ZSCAN31: variants seen among roughly 807,000 people sequenced by gnomAD.
ZSCAN31 encodes the protein zinc finger and SCAN domain containing 31.
In ZSCAN31, 14 loss-of-function variants were observed where a neutral mutation model predicts 22.5. That is an observed-to-expected ratio of 0.62 (90% CI 0.41 to 0.97). ZSCAN31 has a LOEUF of 0.97. Ranked by LOEUF, ZSCAN31 falls within the 50% of genes least tolerant of loss-of-function variation. The pLI is 0.00. For missense variants in ZSCAN31, 424 were observed against 483.4 expected (o/e 0.88, Z 1.15); for synonymous variants, 168 against 169.8 (o/e 0.99, Z 0.08).
At chr6:28,346,371 C>G (rs1764643539) in intron 2 of ZSCAN31, among the ~76,000 whole-genome samples, 1 of 64,956 alleles carries the variant, frequency 1.5e-5, no homozygotes, top group Admixed American at 1.9e-4. Context: ...TTTTTTTAAA[C>G]TGAGTCTCAC....
chr6:28,353,755 G>C, intron 2 of ZSCAN31: 1 of 449,958 alleles, frequency 2.2e-6, no homozygotes, highest in South Asian at 1.6e-5. Flanking sequence ...GGAAGACTGT[G>C]GATAGAGAAA....
chr6:28,328,507 T>C (rs533997259), intron 2 of ZSCAN31, among the ~76,000 whole-genome samples: 2 of 152,374 alleles, frequency 1.3e-5, no homozygotes, highest in South Asian at 4.1e-4. Flanking sequence ...TCCGCCCAGC[T>C]AACTGGCAGT....
upstream of ZSCAN31, among the ~76,000 whole-genome samples, chr6:28,339,423 G>A (rs1051231721): frequency 6.6e-6 from 1 of 152,024 alleles, no homozygotes; most frequent in Non-Finnish European, 1.5e-5. Flanking sequence ...CGAGTATCTG[G>A]GATTACAGGC....
intron 2 of ZSCAN31, among the ~76,000 whole-genome samples, chr6:28,328,474 AAAG>A (rs1763482863): frequency 6.6e-6 from 1 of 152,334 alleles, no homozygotes; most frequent in East Asian, 1.9e-4. Context: ...TTTGCTTTTG[AAAG>A]AAGAGAAATA....
intron 2 of ZSCAN31, among the ~76,000 whole-genome samples, chr6:28,346,431 C>T (rs1561924363): frequency 6.9e-6 from 1 of 144,582 alleles, no homozygotes; most frequent in African/African-American, 2.6e-5. Context: ...GATCTCAGCT[C>T]ACTACAACCT....
intron 2 of ZSCAN31, among the ~76,000 whole-genome samples, chr6:28,348,197 A>C (rs147788664): frequency 0.013 from 1,988 of 152,202 alleles, 48 homozygotes; most frequent in African/African-American, 0.044. Flanking sequence ...AGTTTCTAGT[A>C]TCTTTTGATA....
chr6:28,330,388 T>TATA (rs1763648751), intron 1 of ZSCAN31, among the ~76,000 whole-genome samples: 1 of 152,242 alleles, frequency 6.6e-6, no homozygotes, highest in Admixed American at 6.5e-5. Context: ...GTTTTGTGGC[T>TATA]ATTTATTATA....
At chr6:28,332,480 C>T (rs1032612291) in intron 1 of ZSCAN31, 2 of 152,172 alleles carry the variant, frequency 1.3e-5, no homozygotes, top group African/African-American at 4.8e-5. Flanking sequence ...CCTGTGGCCT[C>T]TCTAAGTGTT....
At chr6:28,334,686 A>G (rs920533393) in intron 1 of ZSCAN31, among the ~76,000 whole-genome samples, 4 of 152,194 alleles carry the variant, frequency 2.6e-5, no homozygotes. Flanking sequence ...AAGGGAGGCA[A>G]AGAGTAAAAT....
At position 28,326,620 on chromosome 6, in the gene ZSCAN31, T is replaced by TC. The variant is rs1393817536; in HGVS notation, c.766dup (p.Glu256GlyfsTer13). On this transcript the variant is annotated frameshift_variant, in exon 4 of 4. Transcript: ENST00000344279. LOFTEE classifies it low-confidence loss of function (END_TRUNC). Reference sequence around the variant, plus strand: ...CTCCCCAGTGTGGATTCTCTGGTGCTCAATGAGTACTGAACTCTTAGTGAA... The same window carrying TC: ...CTCCCCAGTGTGGATTCTCTGGTGCTCCAATGAGTACTGAACTCTTAGTGAA... 1 of 1,614,204 alleles carries TC rather than the reference T, an allele frequency of 6.2e-7. No individual in the cohort carries two copies. The highest frequency in any genetic ancestry group is 1.1e-5 in the South Asian group (1 of 91,082).
chr6:28,352,886 G>T (rs1157134307), intron 2 of ZSCAN31, among the ~76,000 whole-genome samples: 1 of 151,984 alleles, frequency 6.6e-6, no homozygotes, highest in Non-Finnish European at 1.5e-5. Flanking sequence ...AGGAATAGAG[G>T]TTCAGGAAGA....
Position 28,325,982 on chromosome 6 carries a change from A to G in ZSCAN31, c.*184T>C. 1 of 611,154 alleles carries G rather than the reference A, an allele frequency of 1.6e-6. No homozygotes were observed. The highest frequency in any genetic ancestry group is 2.6e-5 in the Admixed American group (1 of 38,952). 37.9% of individuals were successfully genotyped at this position (611,154 alleles called of 1,614,324 possible). ...ACCTGGTTTGTAGACAAGTGGTTCA[A>G]TGCAATACAAAATAAATTTTATAAG... On this transcript the variant is annotated 3_prime_UTR_variant, in exon 4 of 4. Coordinates refer to ENST00000344279, the MANE Select transcript of ZSCAN31 (RefSeq NM_030899.5).
chr6:28,331,158 A>T lies in ZSCAN31; in HGVS notation c.-95-1380T>A, dbSNP rs755924816. 6.6e-6 allele frequency among the ~76,000 whole-genome samples: 1 copy of T among 152,188 alleles called. No homozygotes were observed. Among genetic ancestry groups the T allele is most frequent in the African/African-American group, 2.4e-5 (1 of 41,444 alleles). ...TGAGAGGCATCAAGGCTTTTATTTCATTGTTATGGTGTTAGATCTGTATTT... is the reference window on the plus strand; with the variant it reads ...TGAGAGGCATCAAGGCTTTTATTTCTTTGTTATGGTGTTAGATCTGTATTT... On this transcript the variant is annotated intron_variant, in intron 1 of 3. Coordinates refer to ENST00000344279, the MANE Select transcript of ZSCAN31 (RefSeq NM_030899.5). This position sits in a 1 kb window ranked among gnomAD's most constrained non-coding sequence, Gnocchi z 4.8.
intron 1 of ZSCAN31, among the ~76,000 whole-genome samples, chr6:28,332,582 T>G (rs1763840131): frequency 6.6e-6 from 1 of 152,234 alleles, no homozygotes; most frequent in African/African-American, 2.4e-5. Flanking sequence ...TAGCAATCAT[T>G]ACATAAATAT....
Position 28,326,492 on chromosome 6 carries a change from C to G in ZSCAN31, c.895G>C (p.Glu299Gln). ...HTGEKPYQCK[E>Q]CGKAFSASNG... is the part of the protein sequence containing the mutation. ...CTGGCACTGAAGGCTTTCCCACACT[C>G]CTTACATTGATAGGGTTTCTCTCCA... The change falls in exon 4 of 4, where the codon GAG becomes CAG. Residue 299 changes from glutamate (E) to glutamine (Q), a missense_variant. Coordinates refer to ENST00000344279, the MANE Select transcript of ZSCAN31 (RefSeq NM_030899.5). 1 of 1,614,210 alleles carries G rather than the reference C, an allele frequency of 6.2e-7. No homozygotes were observed. The highest frequency in any genetic ancestry group is 8.5e-7 in the Non-Finnish European group (1 of 1,180,042).
At chr6:28,328,415 C>G (rs568953310) in intron 2 of ZSCAN31, among the ~76,000 whole-genome samples, 7 of 152,358 alleles carry the variant, frequency 4.6e-5, no homozygotes, top group African/African-American at 1.7e-4. Flanking sequence ...CATTCTCTTT[C>G]TCAGGGATGT....
upstream of ZSCAN31, among the ~76,000 whole-genome samples, chr6:28,341,009 T>C (rs213243): frequency 0.081 from 12,406 of 152,270 alleles, 703 homozygotes; most frequent in African/African-American, 0.14. Flanking sequence ...CTCTTATTTT[T>C]GAAGGACATT....
In ZSCAN31 at chr6:28,349,019, A is replaced by G. The variant is rs1338931110; in HGVS notation, c.-371+4843T>C. 7.5e-6 allele frequency among the ~76,000 whole-genome samples: 1 copy of G among 132,690 alleles called. No homozygotes were observed. Among genetic ancestry groups the G allele is most frequent in the Non-Finnish European group, 1.6e-5 (1 of 61,914 alleles). 87.0% of individuals were successfully genotyped at this position (132,690 alleles called of 152,430 possible). A position where few individuals can be genotyped will look rare whatever the true frequency, so the allele number is the denominator to read the frequency against. ...ATACATGTCTCATATACATAGGTGTATATACATGTCTCATATACATAGGTG... is the reference window on the plus strand; with the variant it reads ...ATACATGTCTCATATACATAGGTGTGTATACATGTCTCATATACATAGGTG... On this transcript the variant is annotated intron_variant, in intron 2 of 7. Coordinates refer to the ZSCAN31 transcript ENST00000396838. The surrounding 1 kb of genome is among the most constrained non-coding windows in gnomAD (Gnocchi z 4.1).
In ZSCAN31 at chr6:28,326,357, T is replaced by C; in HGVS notation, c.1030A>G (p.Ile344Val). 1 of 1,614,214 alleles carries C rather than the reference T, an allele frequency of 6.2e-7. No individual in the cohort carries two copies. The highest frequency in any genetic ancestry group is 8.5e-7 in the Non-Finnish European group (1 of 1,180,022). The change falls in exon 4 of 4, where the codon ATA becomes GTA. Residue 344 changes from isoleucine (I) to valine (V), a missense_variant. Transcript: ENST00000344279. ...LSSCLVQHQR[I>V]HTGEKRYQCR... ...TGATAGCGCTTCTCTCCAGTGTGTA[T>C]CCTCTGATGCTGAACAAGGCATGAG...
Sources: gnomAD v4.1 joint callset for allele counts (sites outside exome capture counted in the v4.1 genomes callset) on GRCh38, gnomAD v4.1.1 for gene constraint, Gnocchi (gnomAD v3.1) non-coding constraint, MANE v1.5 for transcripts, NCBI Gene and HGNC (gene_info 2026-07-23, HGNC 2026-07-21) for gene names.